PLGRKT: variants seen among roughly 807,000 people sequenced by gnomAD.
The protein encoded by PLGRKT is plasminogen receptor (KT).
Under a neutral mutation model 18.5 loss-of-function variants are expected in PLGRKT, and 22 were observed. The ratio of observed to expected loss-of-function variants is 1.19; its 90% CI spans 0.85 to 1.70. PLGRKT has a LOEUF of 1.70. PLGRKT is among the 40% of genes most tolerant of loss of function. The pLI, the probability that PLGRKT is intolerant of heterozygous loss-of-function variation, is 0.00. For synonymous variants in PLGRKT, 72 were observed against 52.8 expected, an observed-to-expected ratio of 1.36 and a Z score of -1.58; for missense variants, 235 against 174.4, an observed-to-expected ratio of 1.35 and a Z score of -1.96.
At chr9:5,359,065 T>A (rs1817202548) in intron 5 of PLGRKT, among the ~76,000 whole-genome samples, 1 of 39,216 alleles carries the variant, frequency 2.5e-5, no homozygotes, top group African/African-American at 1.6e-4. Context: ...CACTATTTTA[T>A]TTTTTTTTTT....
At chr9:5,369,417 GATC>G (rs1311432868) in intron 3 of PLGRKT, among the ~76,000 whole-genome samples, 2 of 152,098 alleles carry the variant, frequency 1.3e-5, no homozygotes, top group East Asian at 3.9e-4. Flanking sequence ...TTAGAACGGT[GATC>G]ATTAAAAAGT....
chr9:5,396,591 G>A (rs1013336055), intron 3 of PLGRKT, among the ~76,000 whole-genome samples: 69 of 151,840 alleles, frequency 4.5e-4, no homozygotes, highest in Non-Finnish European at 1.0e-4. Context: ...CACTGCATCC[G>A]GCCACAACAA....
At chr9:5,359,558 A>C (rs184742498) in intron 5 of PLGRKT, among the ~76,000 whole-genome samples, 3 of 152,346 alleles carry the variant, frequency 2.0e-5, no homozygotes, top group Non-Finnish European at 4.4e-5. Context: ...CCTTTCTTCC[A>C]GTTGGTAAAT....
chr9:5,377,192 A>G (rs1272901590), intron 3 of PLGRKT, among the ~76,000 whole-genome samples: 1 of 152,096 alleles, frequency 6.6e-6, no homozygotes, highest in African/African-American at 2.4e-5. Context: ...GCTTAGACAC[A>G]CTGTCAAGTG....
chr9:5,361,997 G>GT (rs890185042), intron 3 of PLGRKT, 109 bp from the exon 4 acceptor site: 13 of 1,090,746 alleles, frequency 1.2e-5, no homozygotes, highest in Admixed American at 2.6e-5. Context: ...TTTAATTCAT[G>GT]TTTTTTCAAA....
rs760236280 is a variant in PLGRKT at position 5,358,259 on chromosome 9, T to C, written c.424A>G (p.Arg142Gly). The C allele has an allele frequency of 6.2e-7, 1 of 1,609,392 alleles. No individual in the cohort carries two copies. The highest frequency in any genetic ancestry group is 1.7e-5 in the Admixed American group (1 of 60,008). ...TGATTTCATTTGTCTATGAAGAATC[T>C]ACTCTGTTCCTTTCTGGCTTTTTCA... Reference protein sequence around the residue: ...SIEKARKEQSRFFIDK With the variant: ...SIEKARKEQSGFFIDK Residue 142 changes from arginine (R) to glycine (G), a missense_variant, in exon 6 of 6, where the codon AGA (arginine) becomes GGA (glycine). Transcript: ENST00000223864.
At chr9:5,423,650 G>A (rs1401163086) in intron 3 of PLGRKT, among the ~76,000 whole-genome samples, 2 of 151,442 alleles carry the variant, frequency 1.3e-5, no homozygotes, top group Non-Finnish European at 2.9e-5. Context: ...CAGGCCCCAG[G>A]TACCTCAACT....
chr9:5,421,629 A>C (rs891953279), intron 3 of PLGRKT, among the ~76,000 whole-genome samples: 2 of 152,218 alleles, frequency 1.3e-5, no homozygotes, highest in African/African-American at 4.8e-5. Flanking sequence ...TTAATTACTG[A>C]CTTTGCTGAG....
chr9:5,407,079 C>T (rs944473415), intron 3 of PLGRKT, among the ~76,000 whole-genome samples: 4 of 152,054 alleles, frequency 2.6e-5, no homozygotes, highest in Non-Finnish European at 4.4e-5. Flanking sequence ...AAAATTTTCT[C>T]AAAGTAAATA....
chr9:5,403,372 C>T (rs530926419), intron 3 of PLGRKT, among the ~76,000 whole-genome samples: 15 of 149,416 alleles, frequency 1.0e-4, no homozygotes, highest in South Asian at 2.1e-4. Context: ...TACAGGCGCA[C>T]GCCACCACTC....
chr9:5,396,354 C>G (rs775783449), intron 3 of PLGRKT, among the ~76,000 whole-genome samples: 1 of 149,476 alleles, frequency 6.7e-6, no homozygotes, highest in Non-Finnish European at 1.5e-5. Context: ...GGTGTGATCT[C>G]GGCTCACTGC....
chr9:5,414,527 T>C (rs1818422952), intron 3 of PLGRKT, among the ~76,000 whole-genome samples: 1 of 152,230 alleles, frequency 6.6e-6, no homozygotes, highest in Admixed American at 6.5e-5. Flanking sequence ...TCCTCAGCAC[T>C]ATAATTAATT....
chr9:5,379,848 A>G (rs1817703430), intron 3 of PLGRKT, among the ~76,000 whole-genome samples: 1 of 152,218 alleles, frequency 6.6e-6, no homozygotes. Flanking sequence ...ATTTGACAGT[A>G]TCTGTGTGAT....
Position 5,366,683 on chromosome 9 carries a change from C to T in PLGRKT, c.82-4795G>A, listed in dbSNP as rs116676401. ...AAGCTAGAAGCATTCCCCTTGAAAA[C>T]TAGAACAAAACAAGGATGCCCCCTC... On this transcript the variant is annotated intron_variant, in intron 3 of 5. Coordinates refer to ENST00000223864, the MANE Select transcript of PLGRKT (RefSeq NM_018465.4). 7.5e-3 allele frequency among the ~76,000 whole-genome samples: 1,147 copies of T among 152,192 alleles called. 21 individuals carry two copies. Among genetic ancestry groups the T allele is most frequent in the African/African-American group, 0.026 (1,087 of 41,530 alleles).
chr9:5,361,043 C>A (rs1307692032), intron 5 of PLGRKT, 35 bp downstream of exon 5: 4 of 1,065,396 alleles, frequency 3.8e-6, no homozygotes, highest in South Asian at 2.7e-5. Flanking sequence ...GAAAATAAAT[C>A]AGCAAATAGA....
intron 3 of PLGRKT, among the ~76,000 whole-genome samples, chr9:5,365,538 A>G (rs1817366733): frequency 6.6e-6 from 1 of 152,170 alleles, no homozygotes; most frequent in Non-Finnish European, 1.5e-5. Context: ...CTCCCAATGA[A>G]AACAGTATGA....
intron 3 of PLGRKT, among the ~76,000 whole-genome samples, chr9:5,399,777 G>C (rs1818121302): frequency 6.6e-6 from 1 of 151,702 alleles, no homozygotes; most frequent in Non-Finnish European, 1.5e-5. Context: ...TTCACTGGAA[G>C]TCAGGAGTTT....
intron 3 of PLGRKT, among the ~76,000 whole-genome samples, chr9:5,407,815 T>A (rs555147152): frequency 6.6e-6 from 1 of 152,358 alleles, no homozygotes; most frequent in Admixed American, 6.5e-5. Flanking sequence ...ACATTTGACC[T>A]TAAAACCATA....
chr9:5,413,855 C>G (rs747180146), intron 3 of PLGRKT, among the ~76,000 whole-genome samples: 9 of 152,138 alleles, frequency 5.9e-5, no homozygotes, highest in Non-Finnish European at 1.3e-4. Flanking sequence ...TCTATGCAAC[C>G]ATTTTTTTAA....
Sources: allele counts gnomAD v4.1 joint callset (sites outside exome capture counted in the v4.1 genomes callset), GRCh38; gene constraint gnomAD v4.1.1; transcripts MANE v1.5; gene names NCBI Gene and HGNC (gene_info 2026-07-23, HGNC 2026-07-21).